The following TSC22D1 variants were observed in gnomAD, a reference collection of about 807,000 sequenced individuals.
TSC22D1 encodes the protein TSC22 domain family member 1.
In TSC22D1, 9 loss-of-function variants were observed where a neutral mutation model predicts 74.2. The observed-to-expected ratio is 0.12, with a 90% CI of 0.07 to 0.21. The LOEUF is 0.21. TSC22D1 is among the 10% of genes least tolerant of loss of function. The probability of loss-of-function intolerance (pLI) is 1.00; values close to 1 mark genes in which losing one functional copy is unlikely to be tolerated. For missense variants in TSC22D1, 1,427 were observed against 1,304.7 expected (o/e 1.09, Z -1.44); for synonymous variants, 586 against 492.5 (o/e 1.19, Z -2.51).
At chr13:44,492,652 AC>A (rs1363839747) in intron 1 of TSC22D1, among the ~76,000 whole-genome samples, 5 of 152,108 alleles carry the variant, frequency 3.3e-5, no homozygotes, top group Non-Finnish European at 5.9e-5. Context: ...CCCCCTCCAA[AC>A]AAAAAAAAAT....
Position 44,573,193 on chromosome 13 carries a change from G to A in TSC22D1, c.2882C>T (p.Thr961Met), listed in dbSNP as rs562068524. ...ATCCTCGCCATCCACCAGGGGTGTC[G>A]TCAGCGGTAGCACCTTCAACGGGAA... ...SLFPLKVLPL[T>M]TPLVDGEDES... The change falls in exon 1 of 3, where the codon ACG becomes ATG. Residue 961 changes from threonine (T) to methionine (M), a missense_variant. Thr to Met is a moderately conservative substitution (Grantham distance 81). Around this residue, in one of 3 missense-constraint regions of TSC22D1, gnomAD observed 1,343 missense variants for 1,191.5 expected, o/e 1.13. Coordinates refer to ENST00000458659, the MANE Select transcript of TSC22D1 (RefSeq NM_183422.4). 6.8e-6 allele frequency: 11 copies of A among 1,614,138 alleles called. No individual in the cohort carries two copies. Among genetic ancestry groups the A allele is most frequent in the South Asian group, 2.2e-5 (2 of 91,072 alleles).
chr13:44,435,028 T>C, intron 2 of TSC22D1, 145 bp from the exon 3 acceptor site: 1 of 698,476 alleles, frequency 1.4e-6, no homozygotes, highest in South Asian at 1.8e-5. Context: ...TGGGGAAATC[T>C]GAATACAAAC....
At position 44,432,735 on chromosome 13, in the gene TSC22D1, G is replaced by A. The variant is rs1417723075; in HGVS notation, c.*1891C>T. ...GGACTTAAGACAAGCCTTAGAACTT[G>A]GGATTGGTCCAATTCCTACTGGGCA... On this transcript the variant is annotated 3_prime_UTR_variant, in exon 3 of 3. Transcript: ENST00000458659. 10 of 152,182 alleles carry A rather than the reference G, an allele frequency of 6.6e-5. No individual in the cohort carries two copies. The highest frequency in any genetic ancestry group is 2.9e-5 in the Non-Finnish European group (2 of 68,056). 9.4% of individuals were successfully genotyped at this position (152,182 alleles called of 1,614,324 possible). A position where few individuals can be genotyped will look rare whatever the true frequency, so the allele number is the denominator to read the frequency against.
intron 1 of TSC22D1, among the ~76,000 whole-genome samples, chr13:44,453,527 AAC>A (rs1876327508): frequency 6.6e-6 from 1 of 152,244 alleles, no homozygotes. Flanking sequence ...TATTTTCATT[AAC>A]ACAAACAAAT....
At chr13:44,437,111 A>G (rs2138854231) in intron 1 of TSC22D1, 1 of 983,404 alleles carries the variant, frequency 1.0e-6, no homozygotes, top group Non-Finnish European at 1.2e-6. Flanking sequence ...ACACTGGGCC[A>G]TTGCTTCGGC....
At chr13:44,452,977 T>C (rs1184399037) in intron 1 of TSC22D1, 1 of 152,258 alleles carries the variant, frequency 6.6e-6, no homozygotes, top group African/African-American at 2.4e-5. Context: ...AGGTTGGTTT[T>C]TCCTCCCATG....
chr13:44,490,310 CGCTAGGG>C (rs1250748922), intron 1 of TSC22D1, among the ~76,000 whole-genome samples: 3 of 149,510 alleles, frequency 2.0e-5, no homozygotes, highest in Non-Finnish European at 3.0e-5. Flanking sequence ...GAGGAGGTAT[CGCTAGGG>C]AGAAGAATAG....
At chr13:44,541,551 T>C (rs1881469897) in intron 1 of TSC22D1, among the ~76,000 whole-genome samples, 1 of 152,174 alleles carries the variant, frequency 6.6e-6, no homozygotes, top group African/African-American at 2.4e-5. Context: ...GCAGCTATTT[T>C]TTCAATTTAA....
chr13:44,483,771 C>T (rs1253501050), intron 1 of TSC22D1, among the ~76,000 whole-genome samples: 1 of 151,906 alleles, frequency 6.6e-6, no homozygotes, highest in Admixed American at 6.6e-5. Context: ...CCACATTCTA[C>T]AGACTGGTCA....
At chr13:44,544,128 C>A (rs1397497552) in intron 1 of TSC22D1, among the ~76,000 whole-genome samples, 1 of 151,988 alleles carries the variant, frequency 6.6e-6, no homozygotes, top group Non-Finnish European at 1.5e-5. Flanking sequence ...TTTCATGTAT[C>A]CATCTCTTTT....
At chr13:44,561,060 G>A (rs1207529279) in intron 1 of TSC22D1, among the ~76,000 whole-genome samples, 1 of 152,142 alleles carries the variant, frequency 6.6e-6, no homozygotes, top group African/African-American at 2.4e-5. Flanking sequence ...ACCCCCCGGG[G>A]CGTCGGGGGA....
At chr13:44,490,529 G>C (rs912001873) in intron 1 of TSC22D1, among the ~76,000 whole-genome samples, 1 of 151,922 alleles carries the variant, frequency 6.6e-6, no homozygotes, top group African/African-American at 2.4e-5. Flanking sequence ...CAATATTTTA[G>C]AAGAAATTAT....
Position 44,434,149 on chromosome 13 carries a change from T to C in TSC22D1, c.*477A>G, listed in dbSNP as rs1874307716. 6.7e-7 allele frequency: 1 copy of C among 1,488,286 alleles called. No individual in the cohort carries two copies. The highest frequency in any genetic ancestry group is 8.8e-7 in the Non-Finnish European group (1 of 1,133,316). 92.2% of individuals were successfully genotyped at this position (1,488,286 alleles called of 1,614,324 possible). On this transcript the variant is annotated 3_prime_UTR_variant, in exon 3 of 3. Coordinates refer to ENST00000458659, the MANE Select transcript of TSC22D1 (RefSeq NM_183422.4). Reference sequence around the variant, plus strand: ...GTTGTCAAATTTGTACAGTGAACTCTGTTCCCCCTCATTTTAGTCTTTTTA... The same window carrying C: ...GTTGTCAAATTTGTACAGTGAACTCCGTTCCCCCTCATTTTAGTCTTTTTA...
In TSC22D1 at chr13:44,555,936, A is replaced by G. The variant is rs532208406; in HGVS notation, c.2912+17227T>C. On this transcript the variant is annotated intron_variant, in intron 1 of 2. Coordinates refer to ENST00000458659, the MANE Select transcript of TSC22D1 (RefSeq NM_183422.4). ...TTTTAGGCTGTCAAGAGCATACTAA[A>G]TAAGTAAAATATCTAGAAATGCAAT... Among the ~76,000 whole-genome samples, 89 of 152,266 alleles carry G rather than the reference A, an allele frequency of 5.8e-4. 1 individual carries two copies. The highest frequency in any genetic ancestry group is 1.9e-3 in the South Asian group (9 of 4,824).
chr13:44,472,111 CTCTTACTG>C (rs2097086679), intron 1 of TSC22D1, among the ~76,000 whole-genome samples: 1 of 152,186 alleles, frequency 6.6e-6, no homozygotes. Context: ...TGTTGTTAAT[CTCTTACTG>C]TGCCTAATTT....
At chr13:44,440,188 G>C (rs1404180095) in intron 1 of TSC22D1, among the ~76,000 whole-genome samples, 2 of 152,214 alleles carry the variant, frequency 1.3e-5, no homozygotes, top group East Asian at 3.8e-4. Flanking sequence ...GTCAAAACAA[G>C]AAGAAATGCC....
intron 1 of TSC22D1, among the ~76,000 whole-genome samples, chr13:44,517,333 A>AAC (rs3046042): frequency 0.37 from 55,135 of 148,584 alleles, 9,991 homozygotes; most frequent in Non-Finnish European, 0.4. Flanking sequence ...ACAAAAACAA[A>AAC]ACACACACAC....
At chr13:44,458,986 G>C (rs1473865830) in intron 1 of TSC22D1, among the ~76,000 whole-genome samples, 1 of 152,188 alleles carries the variant, frequency 6.6e-6, no homozygotes, top group Non-Finnish European at 1.5e-5. Flanking sequence ...GGAGAGAAAG[G>C]GGAGGATCCC....
intron 1 of TSC22D1, among the ~76,000 whole-genome samples, chr13:44,442,053 TC>T (rs1190957156): frequency 1.3e-5 from 2 of 152,012 alleles, no homozygotes; most frequent in African/African-American, 4.8e-5. Flanking sequence ...TAAGTCTCCT[TC>T]TGAATGCTTA....
Sources: allele counts gnomAD v4.1 joint callset (sites outside exome capture counted in the v4.1 genomes callset), GRCh38; gene constraint gnomAD v4.1.1; regional missense constraint gnomAD v4.1.1; transcripts MANE v1.5; gene names NCBI Gene and HGNC (gene_info 2026-07-23, HGNC 2026-07-21).